PMM2: variants seen among roughly 807,000 people sequenced by gnomAD.
PMM2 encodes the protein mannose-6-phosphate isomerase.
Under a neutral mutation model 33.2 loss-of-function variants are expected in PMM2, and 35 were observed. The observed-to-expected ratio is 1.06, with a 90% CI of 0.81 to 1.40. The LOEUF is 1.40. PMM2 is among the 40% of genes most tolerant of loss of function. The pLI is 0.00. For missense variants in PMM2, 386 were observed against 306.0 expected (o/e 1.26, Z -1.95); for synonymous variants, 153 against 114.7 (o/e 1.33, Z -2.13).
intron 2 of PMM2, among the ~76,000 whole-genome samples, chr16:8,802,656 C>G (rs938154664): frequency 2.0e-5 from 3 of 151,934 alleles, no homozygotes; most frequent in African/African-American, 2.4e-5. Flanking sequence ...TGATCAAACC[C>G]CATTTCTACT....
rs529323678 is a variant in PMM2 at position 8,830,484 on chromosome 16, T to C, written c.640-17240T>C. ...TGGGTAGGGGCTCTGGAGGTGTGGATTGCTGATTGGTCAGCATGGAGATGA... is the reference window on the plus strand; with the variant it reads ...TGGGTAGGGGCTCTGGAGGTGTGGACTGCTGATTGGTCAGCATGGAGATGA... On this transcript the variant is annotated intron_variant, in intron 7 of 7. Transcript: ENST00000268261. 7.0e-4 allele frequency among the ~76,000 whole-genome samples: 107 copies of C among 152,236 alleles called. 4 individuals are homozygous for C. The South Asian group carries it at 0.021, about 30-fold the overall frequency.
intron 7 of PMM2, among the ~76,000 whole-genome samples, chr16:8,839,861 G>A (rs1414280040): frequency 3.3e-5 from 3 of 90,402 alleles, no homozygotes; most frequent in Non-Finnish European, 6.8e-5. Flanking sequence ...TGAGAGGTCC[G>A]AATATGGGGG....
At chr16:8,844,480 G>A (rs2060911332) in intron 7 of PMM2, among the ~76,000 whole-genome samples, 1 of 151,948 alleles carries the variant, frequency 6.6e-6, no homozygotes, top group Non-Finnish European at 1.5e-5. Flanking sequence ...AGGAGAAGGG[G>A]TTGGGGGGTT....
chr16:8,821,874 C>G (rs2060741240), intron 7 of PMM2, among the ~76,000 whole-genome samples: 1 of 152,234 alleles, frequency 6.6e-6, no homozygotes, highest in South Asian at 2.1e-4. Context: ...TAAGGCATCC[C>G]CAGGGACTCT....
intron 7 of PMM2, chr16:8,832,856 T>G: frequency 1.0e-6 from 1 of 985,448 alleles, no homozygotes; most frequent in African/African-American, 1.7e-5. Flanking sequence ...ACATGGCCTG[T>G]GCCCTCACGT....
chr16:8,827,484 C>A lies in PMM2; in HGVS notation c.639+14378C>A, dbSNP rs542363087. 4.4e-3 allele frequency among the ~76,000 whole-genome samples: 662 copies of A among 150,364 alleles called. 7 individuals carry two copies. The highest frequency in any genetic ancestry group is 0.015 in the African/African-American group (635 of 40,996). ...GATCTAAGCTCACTGCAGCCTCTGC[C>A]TCCCGGGTTCAAGTGATTCTCGTGC... is the stretch of plus-strand genomic sequence containing the variant. On this transcript the variant is annotated intron_variant, in intron 7 of 7. Transcript: ENST00000268261.
chr16:8,845,863 T>C (rs1457738031), intron 7 of PMM2, among the ~76,000 whole-genome samples: 1 of 151,806 alleles, frequency 6.6e-6, no homozygotes, highest in African/African-American at 2.4e-5. Context: ...ACAGTCTTTG[T>C]CTCAGCTACT....
At chr16:8,828,090 TAGAC>T (rs2060788881) in intron 7 of PMM2, among the ~76,000 whole-genome samples, 1 of 137,254 alleles carries the variant, frequency 7.3e-6, no homozygotes. Flanking sequence ...CTAGCCAGGA[TAGAC>T]AGCCAGTATT....
At chr16:8,801,939 G>A (rs1310360039) in intron 2 of PMM2, 29 bp downstream of exon 2, 3 of 1,411,672 alleles carry the variant, frequency 2.1e-6, no homozygotes, top group South Asian at 1.2e-5. Context: ...ATTACATCTG[G>A]TAAAAGATTA....
chr16:8,821,210 C>T (rs1398691859), intron 7 of PMM2, among the ~76,000 whole-genome samples: 2 of 152,134 alleles, frequency 1.3e-5, no homozygotes, highest in Non-Finnish European at 2.9e-5. Flanking sequence ...AGTGAATTGC[C>T]GCTCCCACAG....
At chr16:8,843,443 C>A (rs561111307) in intron 7 of PMM2, among the ~76,000 whole-genome samples, 1 of 152,070 alleles carries the variant, frequency 6.6e-6, no homozygotes, top group African/African-American at 2.4e-5. Flanking sequence ...TTGAACAGTC[C>A]GATTTCCAGT....
Position 8,847,894 on chromosome 16 carries a change from G to A in PMM2, c.*69G>A. The A allele has an allele frequency of 1.6e-6, 2 of 1,245,972 alleles. No individual in the cohort carries two copies. The highest frequency in any genetic ancestry group is 1.2e-6 in the Non-Finnish European group (1 of 859,000). The allele number at this position is 1,245,972 out of a possible 1,614,324, so 77.2% of individuals were successfully genotyped here. A position where few individuals can be genotyped will look rare whatever the true frequency, so the allele number is the denominator to read the frequency against. On this transcript the variant is annotated 3_prime_UTR_variant, in exon 8 of 8. Transcript: ENST00000268261. ...AGGGCATTCGGTGGCCAGAGCCGAG[G>A]GTCCTCCCACACGTGCTCACCCACC...
intron 4 of PMM2, chr16:8,806,727 A>C: frequency 5.2e-6 from 2 of 383,346 alleles, no homozygotes; most frequent in Non-Finnish European, 9.7e-6. Flanking sequence ...CCAACAGTAC[A>C]AGAATGATTA....
chr16:8,845,069 T>A (rs1178630582), intron 7 of PMM2, among the ~76,000 whole-genome samples: 1 of 152,222 alleles, frequency 6.6e-6, no homozygotes, highest in African/African-American at 2.4e-5. Context: ...ACAGGCTTTG[T>A]GTGAGCAACA....
intron 1 of PMM2, among the ~76,000 whole-genome samples, chr16:8,798,155 G>A (rs1375216515): frequency 6.6e-6 from 1 of 152,252 alleles, no homozygotes; most frequent in Admixed American, 6.5e-5. Context: ...GGAAAGATGA[G>A]ACGGGGCTGA....
intron 4 of PMM2, chr16:8,807,695 G>A (rs9922582): frequency 0.86 from 130,708 of 152,422 alleles, 57,037 homozygotes; most frequent in East Asian, 0.97. Context: ...GGGTCTTGCC[G>A]TATGGCCCAG....
intron 7 of PMM2, among the ~76,000 whole-genome samples, chr16:8,837,131 T>C (rs531698190): frequency 6.6e-6 from 1 of 151,920 alleles, no homozygotes; most frequent in African/African-American, 2.4e-5. Context: ...GGGTTGCGAC[T>C]GAGGGGACAG....
chr16:8,828,787 G>A (rs1325309287), intron 7 of PMM2, among the ~76,000 whole-genome samples: 1 of 152,204 alleles, frequency 6.6e-6, no homozygotes, highest in Non-Finnish European at 1.5e-5. Context: ...GACAGAGGAT[G>A]CAGCTGTGAG....
intron 3 of PMM2, among the ~76,000 whole-genome samples, chr16:8,805,236 T>A (rs890494477): frequency 2.0e-5 from 3 of 152,170 alleles, no homozygotes; most frequent in Middle Eastern, 3.4e-3. Context: ...CCCAGCTAAT[T>A]TTTGTATTTT....
Sources: allele counts gnomAD v4.1 joint callset (sites outside exome capture counted in the v4.1 genomes callset), GRCh38; gene constraint gnomAD v4.1.1; transcripts MANE v1.5; gene names NCBI Gene and HGNC (gene_info 2026-07-23, HGNC 2026-07-21).